The following FABP7 variants were observed in gnomAD, a reference collection of about 807,000 sequenced individuals.
FABP7 encodes the protein fatty acid-binding protein, brain.
A neutral mutation model predicts 14.2 loss-of-function variants in FABP7; 13 were observed. That is an observed-to-expected ratio of 0.91 (90% CI 0.59 to 1.45). FABP7 has a LOEUF of 1.45. Ranked by LOEUF, FABP7 falls within the 40% of genes most tolerant of loss-of-function variation. The pLI, the probability that FABP7 is intolerant of heterozygous loss-of-function variation, is 0.00. For missense variants in FABP7, 149 were observed against 157.6 expected, an observed-to-expected ratio of 0.95 and a Z score of 0.29; for synonymous variants, 49 against 51.4, an observed-to-expected ratio of 0.95 and a Z score of 0.20.
At chr6:122,759,797 C>T in the FABP7 span, among the ~76,000 whole-genome samples, 1 of 152,196 alleles carries the variant, frequency 6.6e-6, no homozygotes, top group Middle Eastern at 3.4e-3. Context: ...TTTGGAAATG[C>T]CATTTTTTCT....
chr6:122,752,786 A>G, the FABP7 span, among the ~76,000 whole-genome samples: 1 of 152,078 alleles, frequency 6.6e-6, no homozygotes, highest in Non-Finnish European at 1.5e-5. Flanking sequence ...CTGTTTCCCA[A>G]CCCAAAATTT....
chr6:122,769,282 T>C, the FABP7 span, among the ~76,000 whole-genome samples: 1 of 152,164 alleles, frequency 6.6e-6, no homozygotes, highest in Non-Finnish European at 1.5e-5. Context: ...TTTCCTTTTA[T>C]ATATTACAGA....
chr6:122,776,468 C>G (rs574268939), upstream of FABP7, among the ~76,000 whole-genome samples: 7 of 152,082 alleles, frequency 4.6e-5, no homozygotes, highest in African/African-American at 1.7e-4. Context: ...CAAAAAAAAT[C>G]AATCTCATGA....
At chr6:122,777,126 C>T (rs1314020925), upstream of FABP7, among the ~76,000 whole-genome samples, 1 of 152,080 alleles carries the variant, frequency 6.6e-6, no homozygotes, top group Admixed American at 6.5e-5. Context: ...ATACATGGTT[C>T]CTGCTCTCAA....
chr6:122,754,391 T>A, the FABP7 span, among the ~76,000 whole-genome samples: 5 of 152,118 alleles, frequency 3.3e-5, no homozygotes, highest in Non-Finnish European at 7.4e-5. Context: ...TCCTCCCTAT[T>A]TCAATGGAAG....
intron 3 of FABP7, chr6:122,781,856 C>T (rs1450465597): frequency 2.3e-6 from 1 of 437,674 alleles, no homozygotes. Context: ...ATTCTACAAC[C>T]TCAGCCTCCT....
the FABP7 span, among the ~76,000 whole-genome samples, chr6:122,753,618 T>C: frequency 1.3e-5 from 2 of 152,056 alleles, no homozygotes; most frequent in African/African-American, 2.4e-5. Flanking sequence ...GTTCTTGGCA[T>C]TTTGAACAAA....
the FABP7 span, among the ~76,000 whole-genome samples, chr6:122,763,946 G>GGC: frequency 6.6e-6 from 1 of 152,186 alleles, no homozygotes. Context: ...GTTAGTGGTA[G>GGC]TGTAAACTAG....
rs961814937 is a variant in FABP7, at chr6:122,783,833, T to C, written c.*66T>C. The C allele has an allele frequency of 1.6e-6, 2 of 1,270,248 alleles. No individual in the cohort carries two copies. The highest frequency in any genetic ancestry group is 1.5e-5 in the African/African-American group (1 of 66,800). The allele number at this position is 1,270,248 out of a possible 1,614,324, so 78.7% of individuals were successfully genotyped here. A position where few individuals can be genotyped will look rare whatever the true frequency, so the allele number is the denominator to read the frequency against. On this transcript the variant is annotated 3_prime_UTR_variant, in exon 4 of 4. Coordinates refer to ENST00000368444, the MANE Select transcript of FABP7 (RefSeq NM_001446.5). ...TCTGTTTCCTCAAGTCTCAGTGCTA[T>C]CCTATTACAACATGGCTGATCATTA...
the FABP7 span, among the ~76,000 whole-genome samples, chr6:122,763,700 A>G: frequency 6.6e-6 from 1 of 152,212 alleles, no homozygotes; most frequent in Non-Finnish European, 1.5e-5. Flanking sequence ...CAAGAAAAAA[A>G]TCAAACAACC....
At chr6:122,774,359 C>CAAAAAAAAAAAAAA in the FABP7 span, among the ~76,000 whole-genome samples, 1 of 66,624 alleles carries the variant, frequency 1.5e-5, no homozygotes, top group African/African-American at 6.9e-5. Flanking sequence ...TAGACTCTGT[C>CAAAAAAAAAAAAAA]AAAAAAAAAA....
At chr6:122,773,071 T>C in the FABP7 span, among the ~76,000 whole-genome samples, 2 of 152,156 alleles carry the variant, frequency 1.3e-5, no homozygotes, top group Non-Finnish European at 2.9e-5. Context: ...CAAAACTCTT[T>C]ATCAGAGGAA....
the FABP7 span, among the ~76,000 whole-genome samples, chr6:122,772,846 G>A: frequency 6.6e-6 from 1 of 152,090 alleles, no homozygotes; most frequent in African/African-American, 2.4e-5. Flanking sequence ...ATTGCATTTA[G>A]CCCTTGCTTG....
the FABP7 span, among the ~76,000 whole-genome samples, chr6:122,755,145 G>C: frequency 6.6e-6 from 1 of 151,754 alleles, no homozygotes; most frequent in Non-Finnish European, 1.5e-5. Flanking sequence ...CCAATACTTG[G>C]CTTATATGCC....
rs897738618 is a variant in FABP7 at position 122,782,782 on chromosome 6, T to C, written c.349-935T>C. ...GCACTGTTCTGCATTGAGATATTCATGTTTCTGTGGAGATGGAGGTGGGGA... is the reference window on the plus strand; with the variant it reads ...GCACTGTTCTGCATTGAGATATTCACGTTTCTGTGGAGATGGAGGTGGGGA... On this transcript the variant is annotated intron_variant, in intron 3 of 3. Transcript: ENST00000368444. 16 of 985,288 alleles carry C rather than the reference T, an allele frequency of 1.6e-5. No individual in the cohort carries two copies. The South Asian group carries it at 7.0e-4, about 43-fold the overall frequency. 61.0% of individuals were successfully genotyped at this position (985,288 alleles called of 1,614,324 possible).
rs745657800 is a variant in FABP7, at chr6:122,780,501, G to C, written c.246+38G>C. The C allele has an allele frequency of 7.6e-6, 12 of 1,585,430 alleles. No individual in the cohort carries two copies. The South Asian group carries it at 1.4e-4, about 18-fold the overall frequency. On this transcript the variant is annotated intron_variant, in intron 2 of 3. Coordinates refer to ENST00000368444, the MANE Select transcript of FABP7 (RefSeq NM_001446.5). ...TTCTTCTTCAGAGTGGGGATGGGGA[G>C]AGGGGAATAAAGATAAAGATTTCCA...
upstream of FABP7, among the ~76,000 whole-genome samples, chr6:122,776,937 A>G (rs993317890): frequency 6.6e-6 from 1 of 152,204 alleles, no homozygotes; most frequent in Non-Finnish European, 1.5e-5. Flanking sequence ...CTGCCTCTAA[A>G]TTGTGGGGCT....
chr6:122,775,571 A>T (rs1249212574), upstream of FABP7, among the ~76,000 whole-genome samples: 3 of 152,096 alleles, frequency 2.0e-5, 1 homozygote, highest in African/African-American at 7.2e-5. Context: ...ACCAGAAAAC[A>T]TTGGTGAAAT....
In FABP7 at chr6:122,783,952, C is replaced by A; in HGVS notation, c.*185C>A. The stretch of plus-strand genomic sequence containing the variant: ...GCCCAATTTTAATCTGAAAATTTAT[C>A]ATGTTTTATAATTTGAATTAAAGTT... On this transcript the variant is annotated 3_prime_UTR_variant, in exon 4 of 4. Transcript: ENST00000368444. 4 of 419,302 alleles carry A rather than the reference C, an allele frequency of 9.5e-6. No individual in the cohort carries two copies. Among genetic ancestry groups the A allele is most frequent in the Non-Finnish European group, 1.7e-5 (4 of 238,298 alleles). 26.0% of individuals were successfully genotyped at this position (419,302 alleles called of 1,614,324 possible). A position where few individuals can be genotyped will look rare whatever the true frequency, so the allele number is the denominator to read the frequency against.
Sources: gnomAD v4.1 joint callset for allele counts (sites outside exome capture counted in the v4.1 genomes callset) on GRCh38, gnomAD v4.1.1 for gene constraint, MANE v1.5 for transcripts, NCBI Gene and HGNC (gene_info 2026-07-23, HGNC 2026-07-21) for gene names.